The following CNTNAP2 variants were observed in gnomAD, a reference collection of about 807,000 sequenced individuals.
CNTNAP2 encodes contactin-associated protein-like 2.
A neutral mutation model predicts 155.2 loss-of-function variants in CNTNAP2; 98 were observed. That is an observed-to-expected ratio of 0.63 (90% CI 0.54 to 0.75). The LOEUF is 0.75. Ranked by LOEUF, CNTNAP2 falls within the 30% of genes least tolerant of loss-of-function variation. The pLI is 0.00. For missense variants in CNTNAP2, 1,727 were observed against 1,688.1 expected, an observed-to-expected ratio of 1.02 and a Z score of -0.40; for synonymous variants, 651 against 631.2, an observed-to-expected ratio of 1.03 and a Z score of -0.47.
chr7:147,155,165 C>A (rs897502919), intron 8 of CNTNAP2, among the ~76,000 whole-genome samples: 2 of 152,014 alleles, frequency 1.3e-5, no homozygotes, highest in Non-Finnish European at 2.9e-5. Flanking sequence ...GAGGACAAAA[C>A]CCTCATGAGT....
intron 13 of CNTNAP2, among the ~76,000 whole-genome samples, chr7:147,757,359 G>T (rs1405891216): frequency 6.6e-6 from 1 of 152,052 alleles, no homozygotes; most frequent in African/African-American, 2.4e-5. Flanking sequence ...AGTATTCAAA[G>T]AAACAAAATT....
In CNTNAP2 at chr7:148,059,590, CAAAAAAAA is replaced by C. The variant is rs200397254; in HGVS notation, c.2384-58518_2384-58511del. On this transcript the variant is annotated intron_variant, in intron 15 of 23. Coordinates refer to ENST00000361727, the MANE Select transcript of CNTNAP2 (RefSeq NM_014141.6). ...GGGCAGCAAGAGCAAAACTCTGTCT[CAAAAAAAA>C]AAAAAAAAAGAAAGAAAGAAAGAAA... Among the ~76,000 whole-genome samples, 26 of 72,754 alleles carry C rather than the reference CAAAAAAAA, an allele frequency of 3.6e-4. 1 individual carries two copies. Among genetic ancestry groups the C allele is most frequent in the African/African-American group, 1.1e-3 (24 of 21,826 alleles). The allele number at this position is 72,754 out of a possible 152,430, so 47.7% of individuals were successfully genotyped here. A position where few individuals can be genotyped will look rare whatever the true frequency, so the allele number is the denominator to read the frequency against.
At chr7:146,549,401 C>A (rs1216980165) in intron 1 of CNTNAP2, among the ~76,000 whole-genome samples, 4 of 151,832 alleles carry the variant, frequency 2.6e-5, no homozygotes, top group Non-Finnish European at 5.9e-5. Flanking sequence ...AAAATATGAT[C>A]ATATATTTTA....
At chr7:147,221,137 TAAA>T (rs34601254) in intron 8 of CNTNAP2, among the ~76,000 whole-genome samples, 2 of 151,034 alleles carry the variant, frequency 1.3e-5, no homozygotes, top group Non-Finnish European at 3.0e-5. Flanking sequence ...TAACTTATAA[TAAA>T]AAAAAACTCT....
intron 21 of CNTNAP2, among the ~76,000 whole-genome samples, chr7:148,292,430 T>C (rs17434745): frequency 0.17 from 25,960 of 152,200 alleles, 2,382 homozygotes; most frequent in Middle Eastern, 0.25. Flanking sequence ...CTGATGGGTT[T>C]TAACTGATGA....
intron 13 of CNTNAP2, among the ~76,000 whole-genome samples, chr7:147,781,400 A>G (rs912373052): frequency 5.9e-5 from 9 of 152,308 alleles, no homozygotes; most frequent in African/African-American, 2.2e-4. Flanking sequence ...ACCCTTGAGA[A>G]AAAGAGATTG....
chr7:147,759,921 G>T (rs1053787071), intron 13 of CNTNAP2, among the ~76,000 whole-genome samples: 1 of 152,084 alleles, frequency 6.6e-6, no homozygotes, highest in Admixed American at 6.6e-5. Flanking sequence ...CCACAGAAAA[G>T]GGTCTCATTA....
intron 1 of CNTNAP2, among the ~76,000 whole-genome samples, chr7:146,491,055 T>C (rs899100960): frequency 6.6e-6 from 1 of 152,104 alleles, no homozygotes; most frequent in Non-Finnish European, 1.5e-5. Context: ...AGAGTGCATA[T>C]TATATGAAAA....
chr7:146,704,956 G>T (rs572886351), intron 1 of CNTNAP2, among the ~76,000 whole-genome samples: 2 of 152,178 alleles, frequency 1.3e-5, no homozygotes, highest in Admixed American at 1.3e-4. Flanking sequence ...CTTTTAGCTA[G>T]ATGGTCAGAT....
At chr7:146,865,974 A>G (rs1338707459) in intron 3 of CNTNAP2, among the ~76,000 whole-genome samples, 2 of 152,254 alleles carry the variant, frequency 1.3e-5, no homozygotes, top group East Asian at 3.9e-4. Context: ...GAAGATCTAA[A>G]TGAATACATT....
chr7:147,507,020 TA>T (rs1248511858), intron 11 of CNTNAP2, among the ~76,000 whole-genome samples: 1 of 151,742 alleles, frequency 6.6e-6, no homozygotes, highest in African/African-American at 2.4e-5. Flanking sequence ...AAGAAAAAAA[TA>T]AAACAATTTA....
intron 8 of CNTNAP2, among the ~76,000 whole-genome samples, chr7:147,231,527 C>T (rs1803681205): frequency 6.6e-6 from 1 of 152,194 alleles, no homozygotes; most frequent in Non-Finnish European, 1.5e-5. Context: ...TCCATAGTGG[C>T]TGTACAAATT....
chr7:147,432,771 C>T (rs1171002875), intron 10 of CNTNAP2, among the ~76,000 whole-genome samples: 1 of 152,156 alleles, frequency 6.6e-6, no homozygotes, highest in African/African-American at 2.4e-5. Flanking sequence ...ACTTAACCCC[C>T]CTTCATCCTG....
At chr7:147,507,002 T>A (rs1003605370) in intron 11 of CNTNAP2, among the ~76,000 whole-genome samples, 5 of 151,708 alleles carry the variant, frequency 3.3e-5, no homozygotes, top group Admixed American at 3.3e-4. Context: ...TGTAAGTTGT[T>A]TTCTTAAAAG....
chr7:146,526,591 C>T (rs1395363777), intron 1 of CNTNAP2, among the ~76,000 whole-genome samples: 1 of 152,138 alleles, frequency 6.6e-6, no homozygotes, highest in South Asian at 2.1e-4. Flanking sequence ...CCCCATGATC[C>T]AGTGACCTCC....
intron 22 of CNTNAP2, among the ~76,000 whole-genome samples, chr7:148,401,425 T>C (rs1042353455): frequency 6.6e-6 from 1 of 152,190 alleles, no homozygotes; most frequent in Non-Finnish European, 1.5e-5. Context: ...TACAATAACT[T>C]TGACCATTGA....
chr7:146,121,815 A>T (rs1436126687), intron 1 of CNTNAP2, among the ~76,000 whole-genome samples: 2 of 152,200 alleles, frequency 1.3e-5, no homozygotes, highest in Non-Finnish European at 2.9e-5. Flanking sequence ...TGCTGAAATA[A>T]ATTATATGCT....
intron 12 of CNTNAP2, among the ~76,000 whole-genome samples, chr7:147,586,523 G>GAGGAAGGA (rs1554408296): frequency 2.4e-5 from 1 of 42,008 alleles, no homozygotes; most frequent in Non-Finnish European, 4.1e-5. Flanking sequence ...AGAGAGAGAA[G>GAGGAAGGA]AGGAAGGAAG....
At chr7:148,224,960 C>A (rs1461748963) in intron 19 of CNTNAP2, among the ~76,000 whole-genome samples, 1 of 152,184 alleles carries the variant, frequency 6.6e-6, no homozygotes, top group Non-Finnish European at 1.5e-5. Flanking sequence ...CCCACTGGGT[C>A]CCTCCCATGG....
Sources: allele counts gnomAD v4.1 joint callset (sites outside exome capture counted in the v4.1 genomes callset), GRCh38; gene constraint gnomAD v4.1.1; transcripts MANE v1.5; gene names NCBI Gene and HGNC (gene_info 2026-07-23, HGNC 2026-07-21).